Variants in STXBP6 observed in about 807,000 individuals in gnomAD.
STXBP6 encodes the protein syntaxin binding protein 6.
STXBP6 carries 21 observed loss-of-function variants against 26.9 expected under a neutral mutation model. That is an observed-to-expected ratio of 0.78 (90% CI 0.55 to 1.12). STXBP6 has a LOEUF of 1.12. STXBP6 is among the 50% of genes most tolerant of loss of function. The pLI, the probability that STXBP6 is intolerant of heterozygous loss-of-function variation, is 0.00. For synonymous variants in STXBP6, 97 were observed against 92.6 expected, an observed-to-expected ratio of 1.05 and a Z score of -0.27; for missense variants, 232 against 257.9, an observed-to-expected ratio of 0.90 and a Z score of 0.69.
intron 1 of STXBP6, among the ~76,000 whole-genome samples, chr14:25,047,849 G>A (rs1000650171): frequency 4.6e-5 from 7 of 152,118 alleles, no homozygotes; most frequent in African/African-American, 1.7e-4. Flanking sequence ...ACTATTAGAG[G>A]TCAAGTCAGA....
At chr14:24,869,267 AAAG>A (rs2069840150) in intron 2 of STXBP6, among the ~76,000 whole-genome samples, 3 of 152,214 alleles carry the variant, frequency 2.0e-5, no homozygotes, top group African/African-American at 7.2e-5. Context: ...GGAAATAAAA[AAAG>A]AATAAGCAGG....
chr14:24,872,475 A>T (rs1315958814), intron 2 of STXBP6, among the ~76,000 whole-genome samples: 1 of 152,218 alleles, frequency 6.6e-6, no homozygotes, highest in African/African-American at 2.4e-5. Context: ...TGTATAGCAG[A>T]GACACATAGG....
chr14:25,044,970 A>G (rs1379416312), intron 1 of STXBP6, among the ~76,000 whole-genome samples: 3 of 152,222 alleles, frequency 2.0e-5, no homozygotes, highest in East Asian at 3.8e-4. Context: ...CTTAGCCACT[A>G]CAGCTTAAAA....
intron 4 of STXBP6, among the ~76,000 whole-genome samples, chr14:24,837,750 T>C (rs1179881501): frequency 6.6e-6 from 1 of 152,124 alleles, no homozygotes; most frequent in Admixed American, 6.6e-5. Flanking sequence ...TACTATTAAT[T>C]AAAAGGGTCT....
intron 2 of STXBP6, among the ~76,000 whole-genome samples, chr14:24,919,890 A>T (rs905721354): frequency 1.3e-5 from 2 of 152,086 alleles, no homozygotes; most frequent in African/African-American, 4.8e-5. Flanking sequence ...AAAGCTTATA[A>T]TAAAGAGAGA....
chr14:24,947,245 C>A (rs967201375), intron 2 of STXBP6, among the ~76,000 whole-genome samples: 2 of 152,098 alleles, frequency 1.3e-5, no homozygotes, highest in African/African-American at 4.8e-5. Context: ...TTCTGATTCT[C>A]TGGGACCAAA....
chr14:24,925,841 G>A (rs759270356), intron 2 of STXBP6, among the ~76,000 whole-genome samples: 1 of 152,130 alleles, frequency 6.6e-6, no homozygotes, highest in Non-Finnish European at 1.5e-5. Context: ...GGGAAAGGGA[G>A]AAGAATTTGA....
chr14:24,844,361 C>T (rs1346722591), intron 4 of STXBP6, among the ~76,000 whole-genome samples: 2 of 152,168 alleles, frequency 1.3e-5, no homozygotes, highest in East Asian at 3.8e-4. Context: ...CATTATCAAA[C>T]CCGAGGAAGA....
intron 4 of STXBP6, among the ~76,000 whole-genome samples, chr14:24,822,507 C>T (rs111661927): frequency 0.016 from 2,365 of 152,254 alleles, 70 homozygotes; most frequent in African/African-American, 0.054. Context: ...GTACATACTA[C>T]GTGCCAGGCA....
chr14:25,036,163 G>T (rs1334645796), intron 1 of STXBP6, among the ~76,000 whole-genome samples: 3 of 146,678 alleles, frequency 2.0e-5, no homozygotes, highest in African/African-American at 7.5e-5. Context: ...GTTACAGTGA[G>T]CCGAGATTGT....
chr14:24,836,969 A>G (rs1476169145), intron 4 of STXBP6, among the ~76,000 whole-genome samples: 1 of 152,172 alleles, frequency 6.6e-6, no homozygotes, highest in Non-Finnish European at 1.5e-5. Flanking sequence ...TGTAGTAATC[A>G]TTTCCTTTTG....
intron 2 of STXBP6, among the ~76,000 whole-genome samples, chr14:24,957,735 T>C (rs2073389133): frequency 6.6e-6 from 1 of 152,230 alleles, no homozygotes; most frequent in Non-Finnish European, 1.5e-5. Context: ...TTTACATAAA[T>C]GGAAACTACG....
At chr14:24,930,468 T>A (rs1383273013) in intron 2 of STXBP6, among the ~76,000 whole-genome samples, 1 of 152,142 alleles carries the variant, frequency 6.6e-6, no homozygotes, top group African/African-American at 2.4e-5. Context: ...TGGTGACCTG[T>A]TAGGGGAAGA....
At chr14:25,034,683 C>T (rs1006488376) in intron 1 of STXBP6, among the ~76,000 whole-genome samples, 3 of 152,096 alleles carry the variant, frequency 2.0e-5, no homozygotes, top group South Asian at 2.1e-4. Flanking sequence ...GGGCTAGTAA[C>T]GGCACCTAAT....
intron 1 of STXBP6, among the ~76,000 whole-genome samples, chr14:25,002,091 A>G (rs2074773726): frequency 1.3e-5 from 2 of 152,188 alleles, no homozygotes; most frequent in Non-Finnish European, 2.9e-5. Context: ...CAATTTACGT[A>G]TATCATAAAC....
intron 2 of STXBP6, among the ~76,000 whole-genome samples, chr14:24,875,059 C>T (rs2070086226): frequency 6.6e-6 from 1 of 152,232 alleles, no homozygotes. Context: ...TACCCATTAG[C>T]ACTGACTGCA....
At chr14:24,830,071 G>A (rs2068412452) in intron 4 of STXBP6, among the ~76,000 whole-genome samples, 1 of 152,034 alleles carries the variant, frequency 6.6e-6, no homozygotes. Flanking sequence ...TTTGAAAGGG[G>A]AAAACCCCTT....
intron 2 of STXBP6, among the ~76,000 whole-genome samples, chr14:24,898,632 G>A (rs1450170472): frequency 6.6e-6 from 1 of 152,026 alleles, no homozygotes; most frequent in Non-Finnish European, 1.5e-5. Flanking sequence ...AGCCGAGATT[G>A]CACCACTGCA....
chr14:24,863,256 G>A (rs1323697515), intron 2 of STXBP6, among the ~76,000 whole-genome samples: 1 of 152,036 alleles, frequency 6.6e-6, no homozygotes, highest in Non-Finnish European at 1.5e-5. Context: ...TGCTAACTGA[G>A]GTAGGCATGT....
Sources: gnomAD v4.1 joint callset for allele counts (sites outside exome capture counted in the v4.1 genomes callset) on GRCh38, gnomAD v4.1.1 for gene constraint, MANE v1.5 for transcripts, NCBI Gene and HGNC (gene_info 2026-07-23, HGNC 2026-07-21) for gene names.